PMM2: variants seen among roughly 807,000 people sequenced by gnomAD.
PMM2 encodes phosphomannomutase 2, also known as mannose-6-phosphate isomerase.
PMM2 carries 35 observed loss-of-function variants against 33.2 expected under a neutral mutation model. The observed-to-expected ratio is 1.06, with a 90% confidence interval of 0.81 to 1.40. The LOEUF (loss-of-function observed/expected upper bound fraction) is 1.40. Ranked by LOEUF, PMM2 falls within the 40% of genes most tolerant of loss-of-function variation. The pLI, the probability that PMM2 is intolerant of heterozygous loss-of-function variation, is 0.00. For missense variants in PMM2, 386 were observed against 306.0 expected (o/e 1.26, Z -1.95); for synonymous variants, 153 against 114.7 (o/e 1.33, Z -2.13).
chr16:8,816,345 C>T (rs1442548827), intron 7 of PMM2, among the ~76,000 whole-genome samples: 3 of 151,766 alleles, frequency 2.0e-5, no homozygotes, highest in African/African-American at 7.2e-5. Context: ...AGCCTGGTCT[C>T]GAACTCATGA....
intron 7 of PMM2, among the ~76,000 whole-genome samples, chr16:8,835,080 C>A (rs4625718): frequency 7.8e-6 from 1 of 128,708 alleles, no homozygotes; most frequent in East Asian, 2.3e-4. Flanking sequence ...GTGATTTTTA[C>A]GGCCTCTAAA....
intron 7 of PMM2, among the ~76,000 whole-genome samples, chr16:8,817,847 T>C (rs993012465): frequency 1.3e-5 from 2 of 152,114 alleles, no homozygotes; most frequent in Non-Finnish European, 2.9e-5. Flanking sequence ...TAGTTTTAGT[T>C]TTCTTTCTCT....
intron 7 of PMM2, chr16:8,833,030 C>A: frequency 6.6e-6 from 3 of 457,648 alleles, no homozygotes; most frequent in Non-Finnish European, 8.6e-6. Context: ...CAATGCCTGG[C>A]GGGTAGAGGG....
chr16:8,800,929 C>T (rs1251619493), intron 1 of PMM2, among the ~76,000 whole-genome samples: 1 of 152,218 alleles, frequency 6.6e-6, no homozygotes, highest in South Asian at 2.1e-4. Flanking sequence ...GTGATCCACC[C>T]GCCTCGGCCT....
chr16:8,799,893 A>G (rs2060603255), intron 1 of PMM2, among the ~76,000 whole-genome samples: 1 of 152,224 alleles, frequency 6.6e-6, no homozygotes, highest in Non-Finnish European at 1.5e-5. Flanking sequence ...ATAGGTCCAG[A>G]TTCCACTGTG....
intron 7 of PMM2, among the ~76,000 whole-genome samples, chr16:8,846,339 A>T (rs1249849218): frequency 6.6e-6 from 1 of 152,200 alleles, no homozygotes; most frequent in Non-Finnish European, 1.5e-5. Flanking sequence ...GTGCTTTATG[A>T]GAAAAATCCC....
chr16:8,799,470 G>A (rs2060599036), intron 1 of PMM2, among the ~76,000 whole-genome samples: 1 of 152,104 alleles, frequency 6.6e-6, no homozygotes, highest in African/African-American at 2.4e-5. Flanking sequence ...TTTCCTATCT[G>A]TGCTAAGGTG....
chr16:8,798,789 G>C (rs2060594271), intron 1 of PMM2, among the ~76,000 whole-genome samples: 1 of 152,130 alleles, frequency 6.6e-6, no homozygotes, highest in East Asian at 1.9e-4. Flanking sequence ...ATTTCAACTT[G>C]AGACTGGACC....
chr16:8,838,696 A>G (rs2060868897), intron 7 of PMM2, among the ~76,000 whole-genome samples: 1 of 152,050 alleles, frequency 6.6e-6, no homozygotes, highest in South Asian at 2.1e-4. Flanking sequence ...TCCAAGGTCC[A>G]AATAAAAGAA....
intron 7 of PMM2, among the ~76,000 whole-genome samples, chr16:8,836,239 T>C (rs1450173980): frequency 6.6e-6 from 1 of 151,728 alleles, no homozygotes; most frequent in Non-Finnish European, 1.5e-5. Context: ...TCGGCGTCCG[T>C]GATGGTTTAT....
intron 7 of PMM2, among the ~76,000 whole-genome samples, chr16:8,818,551 G>A (rs774190098): frequency 3.3e-5 from 5 of 152,118 alleles, no homozygotes; most frequent in Admixed American, 6.5e-5. Context: ...TTTTGCCGGC[G>A]TCCAGGGAAG....
intron 7 of PMM2, among the ~76,000 whole-genome samples, chr16:8,827,371 C>T (rs942252472): frequency 6.6e-6 from 1 of 150,856 alleles, no homozygotes; most frequent in South Asian, 2.1e-4. Context: ...GCACAAAGGC[C>T]TTTTTTTTAT....
At chr16:8,832,876 G>T in intron 7 of PMM2, 1 of 985,402 alleles carries the variant, frequency 1.0e-6, no homozygotes. Context: ...TCCCTCAGAT[G>T]CCAGGGTTCC....
chr16:8,832,417 G>C, intron 7 of PMM2: 1 of 985,364 alleles, frequency 1.0e-6, no homozygotes, highest in Non-Finnish European at 1.2e-6. Context: ...CGAGTTACAT[G>C]CACACAGATC....
intron 4 of PMM2, chr16:8,808,358 A>T (rs972722492): frequency 1.3e-5 from 2 of 151,958 alleles, no homozygotes; most frequent in Non-Finnish European, 2.9e-5. Context: ...TGGGCTGAGC[A>T]CTAAGGGAGG....
At chr16:8,831,515 C>G (rs2060809592) in intron 7 of PMM2, among the ~76,000 whole-genome samples, 1 of 152,136 alleles carries the variant, frequency 6.6e-6, no homozygotes, top group African/African-American at 2.4e-5. Context: ...CCAGCCTGGG[C>G]AAGAGTGGGA....
At chr16:8,810,048 C>G (rs993102051) in intron 4 of PMM2, 1 of 152,200 alleles carries the variant, frequency 6.6e-6, no homozygotes, top group Non-Finnish European at 1.5e-5. Flanking sequence ...TGAGCTCAAG[C>G]CATTCACCCA....
chr16:8,820,629 C>T (rs565714030), intron 7 of PMM2, among the ~76,000 whole-genome samples: 2 of 152,180 alleles, frequency 1.3e-5, no homozygotes, highest in African/African-American at 4.8e-5. Context: ...GCTGGAATTA[C>T]AGGCGTGAGC....
At position 8,802,237 on chromosome 16, in the gene PMM2, G is replaced by A. The variant is rs2304469; in HGVS notation, c.178+327G>A. On this transcript the variant is annotated intron_variant, in intron 2 of 7. Coordinates refer to ENST00000268261, the MANE Select transcript of PMM2 (RefSeq NM_000303.3). ...AGCCCTTCTAGCCCCAGTCAGACCG[G>A]TCTTCATATTGTCCCTCTGACAGCC... 209,741 of 455,230 alleles carry A rather than the reference G, an allele frequency of 0.46. 50,470 individuals carry two copies. Among genetic ancestry groups the A allele is most frequent in the Non-Finnish European group, 0.52 (118,384 of 226,678 alleles). The allele number at this position is 455,230 out of a possible 1,614,324, so 28.2% of individuals were successfully genotyped here.
Sources: gnomAD v4.1 joint callset for allele counts (sites outside exome capture counted in the v4.1 genomes callset) on GRCh38, gnomAD v4.1.1 for gene constraint, MANE v1.5 for transcripts, NCBI Gene and HGNC (gene_info 2026-07-23, HGNC 2026-07-21) for gene names.